MRM1: variants seen among roughly 807,000 people sequenced by gnomAD.
The protein encoded by MRM1 is mitochondrial rRNA methyltransferase 1.
Under a neutral mutation model 25.0 loss-of-function variants are expected in MRM1, and 24 were observed. The ratio of observed to expected loss-of-function variants is 0.96; its 90% confidence interval spans 0.69 to 1.35. The LOEUF (loss-of-function observed/expected upper bound fraction) is 1.35. MRM1 is among the 40% of genes most tolerant of loss of function. The probability of loss-of-function intolerance (pLI) is 0.00; values close to 1 mark genes in which losing one functional copy is unlikely to be tolerated. For synonymous variants in MRM1, 188 were observed against 199.2 expected, an observed-to-expected ratio of 0.94 and a Z score of 0.47; for missense variants, 431 against 464.1, an observed-to-expected ratio of 0.93 and a Z score of 0.65.
chr17:36,618,333 A>G, the MRM1 span, among the ~76,000 whole-genome samples: 11 of 152,334 alleles, frequency 7.2e-5, no homozygotes, highest in East Asian at 2.1e-3. Context: ...AGCAGTGAGC[A>G]AGTCAGCGAC....
At chr17:36,625,462 C>CTTTTTTTTTT in the MRM1 span, among the ~76,000 whole-genome samples, 193 of 101,986 alleles carry the variant, frequency 1.9e-3, 20 homozygotes, top group African/African-American at 6.9e-3. Context: ...CCTCCTCCTC[C>CTTTTTTTTTT]TTTTTTTTTT....
At chr17:36,633,077 C>T in the MRM1 span, among the ~76,000 whole-genome samples, 2 of 152,182 alleles carry the variant, frequency 1.3e-5, no homozygotes, top group Non-Finnish European at 2.9e-5. Context: ...CAAAACTGTT[C>T]CCTTGAATCC....
chr17:36,610,922 T>G (rs2074973305), downstream of MRM1, among the ~76,000 whole-genome samples: 1 of 152,008 alleles, frequency 6.6e-6, no homozygotes. Flanking sequence ...CAAGCGGTTC[T>G]CCTGCCTCAG....
intron 2 of MRM1, among the ~76,000 whole-genome samples, chr17:36,603,546 C>G (rs2142834418): frequency 6.6e-6 from 1 of 150,970 alleles, no homozygotes; most frequent in East Asian, 2.0e-4. Flanking sequence ...GGATTATAGG[C>G]ACACACCATG....
In MRM1 at chr17:36,602,494, G is replaced by A. The variant is rs540899742; in HGVS notation, c.543-59G>A. The stretch of plus-strand genomic sequence containing the variant: ...CCCTAGCCCTTGGGAGCCCTGGGAG[G>A]GTAGGGAGCCGGGCTTGAGATGGCC... On this transcript the variant is annotated intron_variant, in intron 1 of 4. Coordinates refer to ENST00000614766, the MANE Select transcript of MRM1 (RefSeq NM_024864.5). This position sits in a 1 kb window ranked among gnomAD's most constrained non-coding sequence, Gnocchi z 4.1. 6.0e-5 allele frequency: 96 copies of A among 1,611,086 alleles called. 2 individuals are homozygous for A. In the South Asian group the frequency reaches 1.0e-3, roughly 17 times the overall value.
Position 36,601,679 on chromosome 17 carries a change from G to A in MRM1, c.-132G>A, listed in dbSNP as rs942830716. 5 of 990,874 alleles carry A rather than the reference G, an allele frequency of 5.0e-6. No individual in the cohort carries two copies. Among genetic ancestry groups the A allele is most frequent in the Non-Finnish European group, 7.2e-6 (5 of 698,434 alleles). 61.4% of individuals were successfully genotyped at this position (990,874 alleles called of 1,614,324 possible). ...TAATCGGGGCTGTTTGTTCCTGTCC[G>A]AGAGAGCTCGGCGGAGACGGCTGTC... is the stretch of plus-strand genomic sequence containing the variant. On this transcript the variant is annotated 5_prime_UTR_variant, in exon 1 of 5. Transcript: ENST00000614766.
rs780763767 is a variant in MRM1, at chr17:36,608,437, A to G, written c.*22A>G. 5.4e-6 allele frequency: 8 copies of G among 1,472,086 alleles called. No individual in the cohort carries two copies. Among genetic ancestry groups the G allele is most frequent in the Non-Finnish European group, 7.2e-6 (8 of 1,108,042 alleles). The allele number at this position is 1,472,086 out of a possible 1,614,324, so 91.2% of individuals were successfully genotyped here. On this transcript the variant is annotated 3_prime_UTR_variant, in exon 5 of 5. Coordinates refer to ENST00000614766, the MANE Select transcript of MRM1 (RefSeq NM_024864.5). ...CTGACGTGGACTGTCCACAGTGTTC[A>G]TGTGCTGGAGTCAGGGACGGCCGCA...
At chr17:36,629,282 C>T in the MRM1 span, among the ~76,000 whole-genome samples, 1 of 152,178 alleles carries the variant, frequency 6.6e-6, no homozygotes, top group African/African-American at 2.4e-5. Flanking sequence ...TAGGGTCTCT[C>T]CCATGACTGG....
At chr17:36,620,376 A>G in the MRM1 span, among the ~76,000 whole-genome samples, 1 of 152,174 alleles carries the variant, frequency 6.6e-6, no homozygotes, top group Non-Finnish European at 1.5e-5. Flanking sequence ...GGAGCATGGA[A>G]GCCCCCAGGT....
chr17:36,609,571 T>C (rs1003233942), downstream of MRM1, among the ~76,000 whole-genome samples: 6 of 152,206 alleles, frequency 3.9e-5, no homozygotes, highest in African/African-American at 1.4e-4. Context: ...CCTCTCATTA[T>C]GAAACCAGAA....
chr17:36,625,220 A>G, the MRM1 span, among the ~76,000 whole-genome samples: 2 of 151,976 alleles, frequency 1.3e-5, no homozygotes, highest in African/African-American at 4.8e-5. Context: ...CTGCTCAGAA[A>G]CCTTCAATAA....
intron 2 of MRM1, chr17:36,603,246 A>C: frequency 1.0e-6 from 1 of 984,452 alleles, no homozygotes; most frequent in East Asian, 1.1e-4. Context: ...ACCTGTCTAG[A>C]ACAACGCTGT....
chr17:36,631,071 A>T, the MRM1 span, among the ~76,000 whole-genome samples: 1 of 152,232 alleles, frequency 6.6e-6, no homozygotes, highest in Non-Finnish European at 1.5e-5. Flanking sequence ...ATGACCATGA[A>T]TGTTAGATGC....
chr17:36,601,691 C>A lies in MRM1; in HGVS notation c.-120C>A. Reference sequence around the variant, plus strand: ...TTTGTTCCTGTCCGAGAGAGCTCGGCGGAGACGGCTGTCGAGTACCCTTCA... The same window carrying A: ...TTTGTTCCTGTCCGAGAGAGCTCGGAGGAGACGGCTGTCGAGTACCCTTCA... On this transcript the variant is annotated 5_prime_UTR_variant, in exon 1 of 5. Coordinates refer to ENST00000614766, the MANE Select transcript of MRM1 (RefSeq NM_024864.5). 9.2e-7 allele frequency: 1 copy of A among 1,085,438 alleles called. No homozygotes were observed. Among genetic ancestry groups the A allele is most frequent in the Non-Finnish European group, 1.3e-6 (1 of 781,892 alleles). The allele number at this position is 1,085,438 out of a possible 1,614,324, so 67.2% of individuals were successfully genotyped here. A position where few individuals can be genotyped will look rare whatever the true frequency, so the allele number is the denominator to read the frequency against.
chr17:36,623,768 G>C, the MRM1 span, among the ~76,000 whole-genome samples: 1 of 152,168 alleles, frequency 6.6e-6, no homozygotes, highest in Non-Finnish European at 1.5e-5. Context: ...TGTTGGGATT[G>C]GGGGAGAGTG....
At chr17:36,610,167 A>G (rs1253455056), downstream of MRM1, among the ~76,000 whole-genome samples, 1 of 150,996 alleles carries the variant, frequency 6.6e-6, no homozygotes, top group Non-Finnish European at 1.5e-5. Flanking sequence ...GCCTCAGGTG[A>G]TCTGCCCTCC....
At chr17:36,620,968 G>C in the MRM1 span, among the ~76,000 whole-genome samples, 3 of 152,172 alleles carry the variant, frequency 2.0e-5, no homozygotes, top group Non-Finnish European at 4.4e-5. Context: ...GGTGGACCTT[G>C]GTTCAGTTGC....
In MRM1 at chr17:36,602,153, G is replaced by T. The variant is rs201462793; in HGVS notation, c.343G>T (p.Val115Phe). The T allele has an allele frequency of 8.1e-6, 13 of 1,613,118 alleles. No homozygotes were observed. The African/African-American group carries it at 1.7e-4, about 21-fold the overall frequency. The change falls in exon 1 of 5, where the codon GTC (valine) becomes TTC (phenylalanine). Residue 115 changes from valine (V) to phenylalanine (F), a missense_variant. Coordinates refer to ENST00000614766, the MANE Select transcript of MRM1 (RefSeq NM_024864.5). The surrounding 1 kb of genome is among the most constrained non-coding windows in gnomAD (Gnocchi z 4.1). ...ACTGGACACAATGTGCCGCTACCAGGTCCACCAGGGTGTCTGCATGGAGGT... is the reference window on the plus strand; with the variant it reads ...ACTGGACACAATGTGCCGCTACCAGTTCCACCAGGGTGTCTGCATGGAGGT... ...QKLDTMCRYQVHQGVCMEVSP... is the reference protein window; with the variant it reads ...QKLDTMCRYQFHQGVCMEVSP...
the MRM1 span, among the ~76,000 whole-genome samples, chr17:36,629,364 C>G: frequency 6.6e-6 from 1 of 152,132 alleles, no homozygotes; most frequent in Non-Finnish European, 1.5e-5. Context: ...AGGGCGTCTC[C>G]CCTTCTGCAC....
Sources: gnomAD v4.1 joint callset for allele counts (sites outside exome capture counted in the v4.1 genomes callset) on GRCh38, gnomAD v4.1.1 for gene constraint, Gnocchi (gnomAD v3.1) non-coding constraint, MANE v1.5 for transcripts, NCBI Gene and HGNC (gene_info 2026-07-23, HGNC 2026-07-21) for gene names.